The following PLEKHM3 variants were observed in gnomAD, a reference collection of about 807,000 sequenced individuals.
PLEKHM3 encodes the protein pleckstrin homology domain-containing family M member 3.
Under a neutral mutation model 81.8 loss-of-function variants are expected in PLEKHM3, and 45 were observed. That is an observed-to-expected ratio of 0.55 (90% CI 0.43 to 0.71). The LOEUF (loss-of-function observed/expected upper bound fraction) is 0.71. Among genes scored for constraint, PLEKHM3 ranks in the 30% least tolerant of loss-of-function variants. The pLI is 0.00. For missense variants in PLEKHM3, 788 were observed against 924.3 expected (o/e 0.85, Z 1.91); for synonymous variants, 352 against 356.4 (o/e 0.99, Z 0.14).
chr2:207,890,140 T>C (rs1156637945), intron 6 of PLEKHM3, among the ~76,000 whole-genome samples: 2 of 152,180 alleles, frequency 1.3e-5, no homozygotes, highest in African/African-American at 4.8e-5. Flanking sequence ...AAATTGGCTT[T>C]AGTGCTCATA....
intron 4 of PLEKHM3, among the ~76,000 whole-genome samples, chr2:207,943,816 C>T (rs926750836): frequency 2.0e-4 from 28 of 139,476 alleles, no homozygotes; most frequent in Non-Finnish European, 3.6e-4. Context: ...TGCAGTGAGC[C>T]GAGATCCCGC....
intron 5 of PLEKHM3, among the ~76,000 whole-genome samples, chr2:207,930,183 G>C (rs1231721519): frequency 6.6e-6 from 1 of 152,152 alleles, no homozygotes; most frequent in Non-Finnish European, 1.5e-5. Flanking sequence ...AAAGCAGCCT[G>C]CACCCACGGT....
rs1406914461 is a variant in PLEKHM3 at position 207,969,348 on chromosome 2, G to T, written c.1546+7303C>A. On this transcript the variant is annotated intron_variant, in intron 3 of 7. Transcript: ENST00000427836. ...CAGAAGCCAATAAGTAACTAACTAGGTCCAACCCAGAAATACTGCTTACTT... is the reference window on the plus strand; with the variant it reads ...CAGAAGCCAATAAGTAACTAACTAGTTCCAACCCAGAAATACTGCTTACTT... Among the ~76,000 whole-genome samples, 3 of 152,132 alleles carry T rather than the reference G, an allele frequency of 2.0e-5. No homozygotes were observed. In the East Asian group the frequency reaches 5.8e-4, roughly 29 times the overall value.
In PLEKHM3 at chr2:207,828,185, A is replaced by T. The variant is rs1270815359; in HGVS notation, c.*134T>A. On this transcript the variant is annotated 3_prime_UTR_variant, in exon 8 of 8. Transcript: ENST00000427836. ...ATAGGTATTTGCGTATATATAAATA[A>T]ATATATATATCTATATCTAGTTGAA... The T allele has an allele frequency of 6.0e-6, 4 of 666,820 alleles. No homozygotes were observed. In the East Asian group the frequency reaches 9.3e-5, roughly 16 times the overall value. The allele number at this position is 666,820 out of a possible 1,614,324, so 41.3% of individuals were successfully genotyped here. A position where few individuals can be genotyped will look rare whatever the true frequency, so the allele number is the denominator to read the frequency against.
Position 207,917,155 on chromosome 2 carries a change from C to G in PLEKHM3, c.1887-8578G>C, listed in dbSNP as rs78518990. 2.4e-3 allele frequency among the ~76,000 whole-genome samples: 370 copies of G among 152,264 alleles called. 3 individuals carry two copies. Among genetic ancestry groups the G allele is most frequent in the Admixed American group, 5.0e-3 (76 of 15,294 alleles). ...GGAGAATGGTTGCTATCAAAACTAC[C>G]AAAATGACATCCTTTATTTCTGAGT... is the stretch of plus-strand genomic sequence containing the variant. On this transcript the variant is annotated intron_variant, in intron 5 of 7. Transcript: ENST00000427836.
chr2:207,833,976 G>C (rs993169868), intron 7 of PLEKHM3, among the ~76,000 whole-genome samples: 1 of 152,102 alleles, frequency 6.6e-6, no homozygotes, highest in Admixed American at 6.5e-5. Context: ...ATATTAACCA[G>C]TGATTTCTGT....
chr2:207,865,025 C>T (rs912521220), intron 6 of PLEKHM3, among the ~76,000 whole-genome samples: 3 of 152,064 alleles, frequency 2.0e-5, no homozygotes, highest in Non-Finnish European at 2.9e-5. Flanking sequence ...ACTGAATTTC[C>T]ATTGATGCTA....
chr2:207,953,829 A>C (rs1690417311), intron 3 of PLEKHM3, among the ~76,000 whole-genome samples: 1 of 151,918 alleles, frequency 6.6e-6, no homozygotes, highest in African/African-American at 2.4e-5. Context: ...GTCTACAAAA[A>C]AAAAAAAAAA....
At chr2:207,828,956 T>C (rs1029573016) in intron 7 of PLEKHM3, among the ~76,000 whole-genome samples, 1 of 152,204 alleles carries the variant, frequency 6.6e-6, no homozygotes, top group East Asian at 1.9e-4. Context: ...TGGTTCTCTG[T>C]TAACTAGCTG....
chr2:207,932,288 A>T (rs1028358955), intron 4 of PLEKHM3, among the ~76,000 whole-genome samples: 1 of 152,252 alleles, frequency 6.6e-6, no homozygotes, highest in Non-Finnish European at 1.5e-5. Flanking sequence ...TCAGAGATAC[A>T]GAGGGAGTGG....
chr2:207,881,441 A>G (rs2092590829), intron 6 of PLEKHM3, among the ~76,000 whole-genome samples: 1 of 152,168 alleles, frequency 6.6e-6, no homozygotes, highest in Non-Finnish European at 1.5e-5. Flanking sequence ...CCACATCATT[A>G]TGGGGGTCTT....
intron 7 of PLEKHM3, among the ~76,000 whole-genome samples, chr2:207,844,813 A>G (rs1008086739): frequency 1.3e-5 from 2 of 152,144 alleles, no homozygotes; most frequent in African/African-American, 2.4e-5. Context: ...TGCTGTGACA[A>G]CAGGGTAGGG....
intron 3 of PLEKHM3, among the ~76,000 whole-genome samples, chr2:207,966,567 T>C (rs1238520834): frequency 6.6e-6 from 1 of 152,228 alleles, no homozygotes; most frequent in African/African-American, 2.4e-5. Flanking sequence ...TTTTCTTTTT[T>C]TTTGAGACGG....
At chr2:207,923,880 C>CACACATATATATAT (rs1319162543) in intron 5 of PLEKHM3, among the ~76,000 whole-genome samples, 7 of 56,790 alleles carry the variant, frequency 1.2e-4, no homozygotes, top group African/African-American at 3.6e-4. Context: ...CACACACACA[C>CACACATATATATAT]ATATATATAT....
At chr2:207,956,506 A>G (rs1690513073) in intron 3 of PLEKHM3, among the ~76,000 whole-genome samples, 3 of 151,894 alleles carry the variant, frequency 2.0e-5, no homozygotes, top group Non-Finnish European at 2.9e-5. Flanking sequence ...GAACAACCAG[A>G]GTTTGAAGCA....
chr2:207,972,020 A>T (rs1174939680), intron 3 of PLEKHM3, among the ~76,000 whole-genome samples: 1 of 152,252 alleles, frequency 6.6e-6, no homozygotes, highest in African/African-American at 2.4e-5. Flanking sequence ...TCACATCTGT[A>T]GCAATTGTCA....
intron 1 of PLEKHM3, among the ~76,000 whole-genome samples, chr2:208,016,496 A>G (rs1007553180): frequency 6.6e-6 from 1 of 151,432 alleles, no homozygotes; most frequent in Admixed American, 6.6e-5. Flanking sequence ...CAAAATACAA[A>G]ACACTAGCCA....
At chr2:207,835,457 C>T (rs1384287378) in intron 7 of PLEKHM3, among the ~76,000 whole-genome samples, 1 of 152,128 alleles carries the variant, frequency 6.6e-6, no homozygotes. Context: ...TTTCTTCCAA[C>T]TTGCAGATTT....
intron 3 of PLEKHM3, among the ~76,000 whole-genome samples, chr2:207,949,033 C>A (rs1690242016): frequency 6.6e-6 from 1 of 152,082 alleles, no homozygotes; most frequent in Non-Finnish European, 1.5e-5. Flanking sequence ...AGCAGACAAT[C>A]AATAAATATT....
Sources: allele counts gnomAD v4.1 joint callset (sites outside exome capture counted in the v4.1 genomes callset), GRCh38; gene constraint gnomAD v4.1.1; transcripts MANE v1.5; gene names NCBI Gene and HGNC (gene_info 2026-07-23, HGNC 2026-07-21).